Variants in TIAM2 observed in about 807,000 individuals in gnomAD.
TIAM2 encodes the protein TIAM Rac1 associated GEF 2, also known as rho guanine nucleotide exchange factor TIAM2.
TIAM2 carries 80 observed loss-of-function variants against 152.9 expected under a neutral mutation model. The observed-to-expected ratio is 0.52, with a 90% CI of 0.44 to 0.63. The LOEUF (loss-of-function observed/expected upper bound fraction) is 0.63, where lower values mean the gene tolerates loss of function less well. TIAM2 is among the 30% of genes least tolerant of loss of function. TIAM2 has a pLI of 0.00. For synonymous variants in TIAM2, 804 were observed against 838.0 expected (o/e 0.96, Z 0.70); for missense variants, 1,965 against 2,120.1 (o/e 0.93, Z 1.44).
At chr6:155,029,847 C>T (rs1032994276) in intron 1 of TIAM2, among the ~76,000 whole-genome samples, 1 of 150,852 alleles carries the variant, frequency 6.6e-6, no homozygotes, top group Non-Finnish European at 1.5e-5. Flanking sequence ...AGGCAGAGTG[C>T]AGTGGTGTGA....
chr6:155,159,732 C>G (rs532922075), intron 7 of TIAM2, among the ~76,000 whole-genome samples: 234 of 152,256 alleles, frequency 1.5e-3, no homozygotes, highest in Non-Finnish European at 2.7e-3. Flanking sequence ...TCAAGTTCCT[C>G]TCTACAACTT....
chr6:155,172,691 T>A (rs4031534), intron 9 of TIAM2, among the ~76,000 whole-genome samples: 449 of 41,180 alleles, frequency 0.011, 5 homozygotes, highest in African/African-American at 0.076. Context: ...TATATATTTT[T>A]TTTTTTTTTT....
rs1331230006 is a variant in TIAM2 at position 155,051,649 on chromosome 6, A to T, written c.-208-38640A>T. On this transcript the variant is annotated intron_variant, in intron 1 of 26. Transcript: ENST00000682666. ...GCTCTTTTGTTTGGCTGTGGCTCTTATTGTTTTTTTTTGAGATGGAGTTTC... is the reference window on the plus strand; with the variant it reads ...GCTCTTTTGTTTGGCTGTGGCTCTTTTTGTTTTTTTTTGAGATGGAGTTTC... Among the ~76,000 whole-genome samples, 3 of 151,254 alleles carry T rather than the reference A, an allele frequency of 2.0e-5. No individual in the cohort carries two copies. The East Asian group carries it at 5.8e-4, about 29-fold the overall frequency.
intron 15 of TIAM2, chr6:155,232,698 C>T (rs7761910): frequency 0.28 from 41,772 of 148,252 alleles, 6,136 homozygotes; most frequent in Middle Eastern, 0.39. Flanking sequence ...CAGAGTGGGT[C>T]GGCATGCGGA....
At chr6:155,202,883 C>CAAAAA (rs36086677) in intron 14 of TIAM2, among the ~76,000 whole-genome samples, 1 of 109,180 alleles carries the variant, frequency 9.2e-6, no homozygotes, top group Non-Finnish European at 1.8e-5. Context: ...ACTAAAAATA[C>CAAAAA]AAAAAAAAAA....
At chr6:155,029,582 A>ATTATATAT (rs1468520935) in intron 1 of TIAM2, among the ~76,000 whole-genome samples, 8,103 of 85,350 alleles carry the variant, frequency 0.095, 1,508 homozygotes, top group African/African-American at 0.13. Flanking sequence ...TAGTATATAT[A>ATTATATAT]ACTATATAGT....
At chr6:155,028,933 C>A (rs187696515) in intron 1 of TIAM2, among the ~76,000 whole-genome samples, 3,247 of 58,498 alleles carry the variant, frequency 0.056, 148 homozygotes, top group African/African-American at 0.074. Flanking sequence ...ACTGTATATA[C>A]TATATATACT....
chr6:155,116,886 A>G (rs879388323), intron 2 of TIAM2, among the ~76,000 whole-genome samples: 1 of 152,134 alleles, frequency 6.6e-6, no homozygotes, highest in Non-Finnish European at 1.5e-5. Flanking sequence ...AAAGAGGGCC[A>G]TTTAAAAGAC....
chr6:155,234,923 C>T (rs950382295), intron 15 of TIAM2, among the ~76,000 whole-genome samples: 9 of 152,036 alleles, frequency 5.9e-5, no homozygotes, highest in African/African-American at 1.7e-4. Context: ...TTTGCCTGTG[C>T]TCTGCTAAAT....
intron 7 of TIAM2, among the ~76,000 whole-genome samples, chr6:155,150,793 C>T (rs747193258): frequency 1.2e-4 from 18 of 151,918 alleles, no homozygotes; most frequent in African/African-American, 4.1e-4. Flanking sequence ...ACATGAGGAG[C>T]GAGGGATCTT....
chr6:155,098,913 T>C (rs2114989944), intron 2 of TIAM2, among the ~76,000 whole-genome samples: 1 of 152,290 alleles, frequency 6.6e-6, no homozygotes, highest in East Asian at 1.9e-4. Flanking sequence ...TAAGGCCGGG[T>C]GCAGTGGCTC....
intron 14 of TIAM2, among the ~76,000 whole-genome samples, chr6:155,188,401 C>G (rs965528819): frequency 3.0e-4 from 45 of 152,344 alleles, no homozygotes; most frequent in Non-Finnish European, 1.6e-4. Context: ...TGAAGTTCCT[C>G]TGTTGCCTAC....
At chr6:155,053,595 C>T (rs1777372675) in intron 1 of TIAM2, among the ~76,000 whole-genome samples, 1 of 151,854 alleles carries the variant, frequency 6.6e-6, no homozygotes, top group Non-Finnish European at 1.5e-5. Context: ...CTCAGCCTCC[C>T]GAGTAGCTGG....
Position 155,218,676 on chromosome 6 carries a change from T to G in TIAM2, c.3168+7369T>G, listed in dbSNP as rs1781938190. Among the ~76,000 whole-genome samples the G allele has an allele frequency of 6.6e-6, 1 of 152,130 alleles. No homozygotes were observed. Among genetic ancestry groups the G allele is most frequent in the African/African-American group, 2.4e-5 (1 of 41,398 alleles). ...CCATGTATACGTGTGTGTGTGAAGG[T>G]TTTCCCTGTTGCTCACCTAATGGCC... On this transcript the variant is annotated intron_variant, in intron 15 of 26. Transcript: ENST00000682666. This position sits in a 1 kb window ranked among gnomAD's most constrained non-coding sequence, Gnocchi z 4.5.
At chr6:155,067,098 T>TA (rs1339561412) in intron 1 of TIAM2, among the ~76,000 whole-genome samples, 1 of 152,168 alleles carries the variant, frequency 6.6e-6, no homozygotes, top group Non-Finnish European at 1.5e-5. Context: ...AGGGTTACAT[T>TA]AAAGACCTTG....
chr6:155,134,030 T>A (rs1779503027), intron 4 of TIAM2, among the ~76,000 whole-genome samples: 1 of 152,122 alleles, frequency 6.6e-6, no homozygotes, highest in African/African-American at 2.4e-5. Flanking sequence ...TACTCTTGAG[T>A]CTTTACTCAT....
intron 2 of TIAM2, among the ~76,000 whole-genome samples, chr6:155,108,740 A>G (rs558482442): frequency 6.6e-6 from 1 of 152,250 alleles, no homozygotes; most frequent in Non-Finnish European, 1.5e-5. Flanking sequence ...AGTAAAACAG[A>G]TGATTCTGTC....
At chr6:155,221,140 CAAA>C (rs796835457) in intron 15 of TIAM2, among the ~76,000 whole-genome samples, 15 of 72,268 alleles carry the variant, frequency 2.1e-4, no homozygotes, top group Non-Finnish European at 4.1e-4. Context: ...AAAAAAAAAA[CAAA>C]AAAAAACACA....
chr6:155,165,358 G>T lies in TIAM2; in HGVS notation c.2310G>T (p.Gly770=). Residue 770 remains glycine, a synonymous_variant, in exon 9 of 27, where the codon GGG becomes GGT. Coordinates refer to ENST00000682666, the MANE Select transcript of TIAM2 (RefSeq NM_012454.4). ...AGGGAATATTTTCTTCGTTAAAAGGGCTGGACACACTGGCCAGAAAAGGCA... is the reference window on the plus strand; with the variant it reads ...AGGGAATATTTTCTTCGTTAAAAGGTCTGGACACACTGGCCAGAAAAGGCA... ...NKKGIFSSLK[G]LDTLARKGKE... 1 of 1,614,162 alleles carries T rather than the reference G, an allele frequency of 6.2e-7. No individual in the cohort carries two copies. Among genetic ancestry groups the T allele is most frequent in the Non-Finnish European group, 8.5e-7 (1 of 1,180,034 alleles).
Sources: gnomAD v4.1 joint callset for allele counts (sites outside exome capture counted in the v4.1 genomes callset) on GRCh38, gnomAD v4.1.1 for gene constraint, Gnocchi (gnomAD v3.1) non-coding constraint, MANE v1.5 for transcripts, NCBI Gene and HGNC (gene_info 2026-07-23, HGNC 2026-07-21) for gene names.